Variants in ANKH observed in about 807,000 individuals in gnomAD.
ANKH encodes the protein ANKH inorganic pyrophosphate transport regulator.
ANKH carries 15 observed loss-of-function variants against 49.0 expected under a neutral mutation model. That is an observed-to-expected ratio of 0.31 (90% CI 0.20 to 0.47). ANKH has a LOEUF of 0.47. Among genes scored for constraint, ANKH ranks in the 20% least tolerant of loss-of-function variants. The pLI, the probability that ANKH is intolerant of heterozygous loss-of-function variation, is 1.00. For missense variants in ANKH, 429 were observed against 652.0 expected (o/e 0.66, Z 3.72); for synonymous variants, 273 against 260.0 (o/e 1.05, Z -0.48).
intron 8 of ANKH, among the ~76,000 whole-genome samples, chr5:14,740,044 G>C (rs1218495601): frequency 6.6e-6 from 1 of 152,166 alleles, no homozygotes; most frequent in Non-Finnish European, 1.5e-5. Flanking sequence ...AACTGAAAGA[G>C]AGGTGAATGT....
intron 1 of ANKH, among the ~76,000 whole-genome samples, chr5:14,784,716 T>C (rs1249532134): frequency 6.6e-6 from 1 of 151,950 alleles, no homozygotes; most frequent in African/African-American, 2.4e-5. Context: ...GGTAAAGAAA[T>C]CCTACAGGAC....
chr5:14,793,047 T>TATAA (rs1209292505), intron 1 of ANKH, among the ~76,000 whole-genome samples: 256 of 64,570 alleles, frequency 4.0e-3, no homozygotes, highest in Middle Eastern at 7.1e-3. Context: ...AATATATATA[T>TATAA]AAATATATAT....
intron 1 of ANKH, among the ~76,000 whole-genome samples, chr5:14,771,937 A>AAAAAAAAAAAAAAAAAAAC (rs1561048114): frequency 7.1e-6 from 1 of 140,386 alleles, no homozygotes. Flanking sequence ...AAAAAAAAAA[A>AAAAAAAAAAAAAAAAAAAC]AAAAAAAAAA....
Position 14,745,777 on chromosome 5 carries a change from A to G in ANKH, c.915+93T>C. 4 of 1,100,046 alleles carry G rather than the reference A, an allele frequency of 3.6e-6. No individual in the cohort carries two copies. Among genetic ancestry groups the G allele is most frequent in the Non-Finnish European group, 5.6e-6 (4 of 718,570 alleles). The allele number at this position is 1,100,046 out of a possible 1,614,324, so 68.1% of individuals were successfully genotyped here. A position where few individuals can be genotyped will look rare whatever the true frequency, so the allele number is the denominator to read the frequency against. ...AACCTTACAAAGGGAAGCAGGACTG[A>G]GAAGCAACAAAGTGTCCCTCATCAG... On this transcript the variant is annotated intron_variant, in intron 7 of 11. Coordinates refer to ENST00000284268, the MANE Select transcript of ANKH (RefSeq NM_054027.6). The surrounding 1 kb of genome is among the most constrained non-coding windows in gnomAD (Gnocchi z 4.7).
chr5:14,858,955 G>A (rs1735393013), intron 1 of ANKH, among the ~76,000 whole-genome samples: 1 of 151,434 alleles, frequency 6.6e-6, no homozygotes, highest in South Asian at 2.1e-4. Flanking sequence ...TTTTAAAAGG[G>A]AGATCCTCTT....
intron 1 of ANKH, among the ~76,000 whole-genome samples, chr5:14,786,410 G>A (rs1739977698): frequency 6.6e-6 from 1 of 152,184 alleles, no homozygotes; most frequent in Non-Finnish European, 1.5e-5. Flanking sequence ...TAGTGATCTA[G>A]TGATTTGCAT....
At chr5:14,712,390 CA>C (rs34056257) in intron 11 of ANKH, among the ~76,000 whole-genome samples, 6,663 of 152,320 alleles carry the variant, frequency 0.044, 190 homozygotes, top group Admixed American at 0.085. Context: ...CTGAGAAAAA[CA>C]AAAGTGATCA....
At chr5:14,802,772 A>AAGCCTTTCTCTGATCCCTGGGCTGGGT (rs1436204796) in intron 1 of ANKH, among the ~76,000 whole-genome samples, 2 of 151,888 alleles carry the variant, frequency 1.3e-5, no homozygotes, top group Non-Finnish European at 2.9e-5. Flanking sequence ...AGCTCCTCTG[A>AAGCCTTTCTCTGATCCCTGGGCTGGGT]AGCCTTTCTC....
At chr5:14,811,870 CT>C (rs1740892290) in intron 1 of ANKH, among the ~76,000 whole-genome samples, 1 of 152,078 alleles carries the variant, frequency 6.6e-6, no homozygotes, top group Non-Finnish European at 1.5e-5. Flanking sequence ...TATTATCCAC[CT>C]TTATTCAGTT....
chr5:14,753,773 G>A (rs1342421227), intron 4 of ANKH, among the ~76,000 whole-genome samples: 2 of 152,058 alleles, frequency 1.3e-5, no homozygotes, highest in African/African-American at 4.8e-5. Context: ...ATTGTGTGAA[G>A]CCCATTAACT....
At chr5:14,812,117 TAA>T (rs55728743) in intron 1 of ANKH, among the ~76,000 whole-genome samples, 14,272 of 126,336 alleles carry the variant, frequency 0.11, 707 homozygotes, top group South Asian at 0.14. Flanking sequence ...GTATTTATCT[TAA>T]AAAAAAAAAA....
At chr5:14,735,885 C>G (rs563906987) in intron 8 of ANKH, among the ~76,000 whole-genome samples, 2 of 152,064 alleles carry the variant, frequency 1.3e-5, no homozygotes, top group Non-Finnish European at 2.9e-5. Flanking sequence ...TTTGGCGAAT[C>G]CTATTCAACC....
intron 1 of ANKH, among the ~76,000 whole-genome samples, chr5:14,853,183 A>C (rs1186452801): frequency 6.6e-6 from 1 of 152,148 alleles, no homozygotes; most frequent in South Asian, 2.1e-4. Context: ...ACAAATAATA[A>C]ATTTCAATCA....
intron 1 of ANKH, chr5:14,868,656 C>T (rs79750805): frequency 0.035 from 5,273 of 151,490 alleles, 289 homozygotes; most frequent in African/African-American, 0.12. Flanking sequence ...GTGATCCATC[C>T]ACCTCACCTC....
chr5:14,791,096 A>G (rs1360234557), intron 1 of ANKH, among the ~76,000 whole-genome samples: 2 of 152,216 alleles, frequency 1.3e-5, no homozygotes, highest in African/African-American at 2.4e-5. Flanking sequence ...CCATTAAGCT[A>G]TTAGTGGCAA....
Position 14,737,591 on chromosome 5 carries a change from G to A in ANKH, c.1011+4236C>T, listed in dbSNP as rs1738227306. Among the ~76,000 whole-genome samples, 1 of 152,242 alleles carries A rather than the reference G, an allele frequency of 6.6e-6. No individual in the cohort carries two copies. The highest frequency in any genetic ancestry group is 2.4e-5 in the African/African-American group (1 of 41,460). On this transcript the variant is annotated intron_variant, in intron 8 of 11. Transcript: ENST00000284268. The surrounding 1 kb of genome is among the most constrained non-coding windows in gnomAD (Gnocchi z 5.0). ...AAGGCGACCACTGGCTCTGACTCCA[G>A]CACCAGTGGAGACACCTTGCATGGC...
chr5:14,829,176 C>G (rs1224673548), intron 1 of ANKH, among the ~76,000 whole-genome samples: 2 of 103,856 alleles, frequency 1.9e-5, no homozygotes, highest in East Asian at 6.0e-4. Flanking sequence ...CAGAGAGAGA[C>G]TCTGTCTCAA....
intron 1 of ANKH, among the ~76,000 whole-genome samples, chr5:14,815,565 T>C (rs1741009860): frequency 1.3e-5 from 2 of 152,244 alleles, no homozygotes; most frequent in South Asian, 4.1e-4. Context: ...CCATGGTTTC[T>C]ACACTTCCCC....
intron 1 of ANKH, among the ~76,000 whole-genome samples, chr5:14,805,376 ATGTG>A (rs1276621656): frequency 6.8e-5 from 8 of 117,778 alleles, no homozygotes; most frequent in African/African-American, 2.6e-4. Flanking sequence ...CCCTATATAT[ATGTG>A]TGTATGTGTA....
Sources: allele counts gnomAD v4.1 joint callset (sites outside exome capture counted in the v4.1 genomes callset), GRCh38; gene constraint gnomAD v4.1.1; non-coding constraint Gnocchi (gnomAD v3.1); transcripts MANE v1.5; gene names NCBI Gene and HGNC (gene_info 2026-07-23, HGNC 2026-07-21).